Variants in EXOC2 observed in about 807,000 individuals in gnomAD.
EXOC2 encodes the protein SEC5-like 1.
EXOC2 carries 70 observed loss-of-function variants against 131.8 expected under a neutral mutation model. The ratio of observed to expected loss-of-function variants is 0.53; its 90% CI spans 0.44 to 0.65. The LOEUF is 0.65. Among genes scored for constraint, EXOC2 ranks in the 30% least tolerant of loss-of-function variants. EXOC2 has a pLI of 0.00. For missense variants in EXOC2, 923 were observed against 1,108.6 expected, an observed-to-expected ratio of 0.83 and a Z score of 2.38; for synonymous variants, 411 against 398.4, an observed-to-expected ratio of 1.03 and a Z score of -0.38.
At chr6:656,305 C>A (rs765743345) in intron 1 of EXOC2, 47 of 1,614,206 alleles carry the variant, frequency 2.9e-5, no homozygotes, top group Non-Finnish European at 3.8e-5. Flanking sequence ...ACACCCACAG[C>A]CGACTGGGGA....
At chr6:574,254 T>C (rs2127597124) in intron 12 of EXOC2, among the ~76,000 whole-genome samples, 1 of 152,364 alleles carries the variant, frequency 6.6e-6, no homozygotes, top group East Asian at 1.9e-4. Context: ...CAAGAATTGC[T>C]GGGACAAAGA....
rs951961651 is a variant in EXOC2 at position 623,056 on chromosome 6, A to G, written c.423-3513T>C. Among the ~76,000 whole-genome samples the G allele has an allele frequency of 2.4e-4, 36 of 152,212 alleles. 1 individual carries two copies. Among genetic ancestry groups the G allele is most frequent in the Admixed American group, 2.0e-3 (31 of 15,290 alleles). On this transcript the variant is annotated intron_variant, in intron 4 of 27. Transcript: ENST00000230449. Reference sequence around the variant, plus strand: ...AGAAGGAGCAGGGATGGGTCTAGCCAGTCCCTAGCAGTGGGGCCCCTGGCC... The same window carrying G: ...AGAAGGAGCAGGGATGGGTCTAGCCGGTCCCTAGCAGTGGGGCCCCTGGCC...
At chr6:590,190 CA>C (rs1759463875) in intron 11 of EXOC2, among the ~76,000 whole-genome samples, 1 of 151,640 alleles carries the variant, frequency 6.6e-6, no homozygotes, top group African/African-American at 2.4e-5. Flanking sequence ...AGAGTAGACT[CA>C]AAAATTATTG....
rs1341885114 is a variant in EXOC2 at position 498,543 on chromosome 6, A to C, written c.2437-1054T>G. ...CTTCCTGCCTGAGTTAAATCATATA[A>C]AAACTCTATTGTTAGAGATGAATTT... On this transcript the variant is annotated intron_variant, in intron 24 of 27. Transcript: ENST00000230449. Among the ~76,000 whole-genome samples the C allele has an allele frequency of 4.6e-5, 7 of 152,336 alleles. No individual in the cohort carries two copies. The East Asian group carries it at 1.3e-3, about 29-fold the overall frequency.
chr6:513,149 G>A (rs1764948314), intron 23 of EXOC2, among the ~76,000 whole-genome samples: 2 of 152,216 alleles, frequency 1.3e-5, no homozygotes, highest in South Asian at 2.1e-4. Flanking sequence ...ATTCTCTTGG[G>A]TCACAGGCTG....
intron 22 of EXOC2, among the ~76,000 whole-genome samples, chr6:545,107 A>G (rs1465859670): frequency 1.5e-5 from 2 of 133,746 alleles, no homozygotes; most frequent in African/African-American, 2.9e-5. Flanking sequence ...AGATTGCGCC[A>G]CTGCAGTCCG....
Position 620,214 on chromosome 6 carries a change from G to T in EXOC2, c.423-671C>A, listed in dbSNP as rs556159874. Among the ~76,000 whole-genome samples, 116 of 152,234 alleles carry T rather than the reference G, an allele frequency of 7.6e-4. 1 individual carries two copies. The highest frequency in any genetic ancestry group is 2.7e-3 in the African/African-American group (113 of 41,528). On this transcript the variant is annotated intron_variant, in intron 4 of 27. Transcript: ENST00000230449. ...TAATCAAGTATCGACAATAGATCAGGTTCCATGCTGGGATGCCAGATGTAC... is the reference window on the plus strand; with the variant it reads ...TAATCAAGTATCGACAATAGATCAGTTTCCATGCTGGGATGCCAGATGTAC...
At chr6:616,040 A>G (rs887955334) in intron 6 of EXOC2, among the ~76,000 whole-genome samples, 3 of 152,220 alleles carry the variant, frequency 2.0e-5, no homozygotes, top group Non-Finnish European at 4.4e-5. Context: ...CAAAATTTTC[A>G]TAACAGAAAA....
chr6:513,882 G>T (rs1345195163), intron 23 of EXOC2, among the ~76,000 whole-genome samples: 1 of 152,166 alleles, frequency 6.6e-6, no homozygotes, highest in African/African-American at 2.4e-5. Context: ...AAACTGCTTT[G>T]TTGATGTCTC....
At chr6:644,370 T>C (rs918048926) in intron 1 of EXOC2, among the ~76,000 whole-genome samples, 1 of 152,122 alleles carries the variant, frequency 6.6e-6, no homozygotes, top group Non-Finnish European at 1.5e-5. Flanking sequence ...AAAGAACTAT[T>C]TGAGTGGGGA....
At position 485,780 on chromosome 6, in the gene EXOC2, A is replaced by G. The variant is rs984191040; in HGVS notation, c.*891T>C. The G allele has an allele frequency of 8.5e-5, 13 of 152,374 alleles. No homozygotes were observed. The highest frequency in any genetic ancestry group is 2.9e-4 in the African/African-American group (12 of 41,578). 9.4% of individuals were successfully genotyped at this position (152,374 alleles called of 1,614,324 possible). ...TACTGAGCAAGATCCTTCAGCAGGT[A>G]AGAAGTGGCAGAGACAGTCACCTGC... On this transcript the variant is annotated 3_prime_UTR_variant, in exon 28 of 28. Coordinates refer to ENST00000230449, the MANE Select transcript of EXOC2 (RefSeq NM_018303.6).
intron 22 of EXOC2, among the ~76,000 whole-genome samples, chr6:544,800 C>T (rs773321599): frequency 6.6e-6 from 1 of 152,196 alleles, no homozygotes; most frequent in Admixed American, 6.5e-5. Context: ...GAAAAAGGAG[C>T]TGCCCCTCCA....
chr6:651,621 C>T (rs949161904), intron 1 of EXOC2, among the ~76,000 whole-genome samples: 2 of 150,960 alleles, frequency 1.3e-5, no homozygotes, highest in African/African-American at 4.9e-5. Context: ...CCACTGCACT[C>T]CAACCTGGGC....
At chr6:581,491 T>C (rs190263313) in intron 11 of EXOC2, among the ~76,000 whole-genome samples, 1 of 152,324 alleles carries the variant, frequency 6.6e-6, no homozygotes, top group East Asian at 1.9e-4. Context: ...TTACTCTGAA[T>C]ACAAAATTGC....
At chr6:575,768 A>C (rs539607005) in intron 12 of EXOC2, among the ~76,000 whole-genome samples, 9 of 152,362 alleles carry the variant, frequency 5.9e-5, no homozygotes, top group African/African-American at 1.9e-4. Flanking sequence ...ATCTTTCCCA[A>C]GAATAATGTT....
At chr6:610,502 T>A (rs190426477) in intron 6 of EXOC2, among the ~76,000 whole-genome samples, 279 of 152,224 alleles carry the variant, frequency 1.8e-3, no homozygotes, top group African/African-American at 6.4e-3. Context: ...AATCCGAAAA[T>A]CCAAAATGCT....
At chr6:512,661 C>T (rs570688459) in intron 23 of EXOC2, among the ~76,000 whole-genome samples, 23 of 152,272 alleles carry the variant, frequency 1.5e-4, no homozygotes, top group African/African-American at 2.2e-4. Flanking sequence ...ATATACAAAA[C>T]GACACCGTAT....
At chr6:687,814 C>T (rs542647146) in intron 1 of EXOC2, among the ~76,000 whole-genome samples, 24 of 152,272 alleles carry the variant, frequency 1.6e-4, no homozygotes, top group African/African-American at 4.3e-4. Context: ...CTACAAACAA[C>T]TATTTTAAGA....
chr6:591,064 T>C (rs1272043076), intron 11 of EXOC2, among the ~76,000 whole-genome samples: 1 of 152,188 alleles, frequency 6.6e-6, no homozygotes, highest in Admixed American at 6.5e-5. Flanking sequence ...CATTTGTCCA[T>C]CATCCAGCCC....
Sources: allele counts gnomAD v4.1 joint callset (sites outside exome capture counted in the v4.1 genomes callset), GRCh38; gene constraint gnomAD v4.1.1; transcripts MANE v1.5; gene names NCBI Gene and HGNC (gene_info 2026-07-23, HGNC 2026-07-21).